TENM1: variants seen among roughly 807,000 people sequenced by gnomAD.
TENM1 encodes teneurin transmembrane protein 1.
TENM1 carries 35 observed loss-of-function variants against 174.8 expected under a neutral mutation model. The observed-to-expected ratio is 0.20, with a 90% CI of 0.15 to 0.27. TENM1 has a LOEUF of 0.27. TENM1 is among the 10% of genes least tolerant of loss of function. The pLI is 1.00. For missense variants in TENM1, 1,633 were observed against 2,130.1 expected, an observed-to-expected ratio of 0.77 and a Z score of 4.59; for synonymous variants, 781 against 798.7, an observed-to-expected ratio of 0.98 and a Z score of 0.37.
chrX:124,823,942 T>C (rs1241004958), intron 3 of TENM1, among the ~76,000 whole-genome samples: 3 of 111,605 alleles, frequency 2.7e-5, no homozygotes, highest in Non-Finnish European at 5.7e-5. Context: ...CCAGCTTTTT[T>C]CCACTTAACA....
At chrX:124,414,529 G>A (rs1165602142) in intron 25 of TENM1, among the ~76,000 whole-genome samples, 2 of 110,647 alleles carry the variant, frequency 1.8e-5, no homozygotes, top group African/African-American at 6.6e-5. Flanking sequence ...TCACTTCCTT[G>A]TTAGCTGTTT....
At chrX:124,857,383 T>C (rs886281527) in intron 3 of TENM1, among the ~76,000 whole-genome samples, 12 of 111,807 alleles carry the variant, frequency 1.1e-4, no homozygotes, top group African/African-American at 3.9e-4. Flanking sequence ...ACAAATGTGA[T>C]ATCTCCACGC....
At chrX:124,600,880 G>T (rs1274901865) in intron 11 of TENM1, among the ~76,000 whole-genome samples, 1 of 111,820 alleles carries the variant, frequency 8.9e-6, no homozygotes, top group African/African-American at 3.2e-5. Context: ...TGCTATAAGG[G>T]ATGTTGCTGG....
chrX:124,978,854 G>T, the TENM1 span, among the ~76,000 whole-genome samples: 4 of 112,124 alleles, frequency 3.6e-5, no homozygotes, highest in African/African-American at 1.3e-4. Context: ...TTGACTAGCA[G>T]TGTGTGGCTG....
intron 18 of TENM1, among the ~76,000 whole-genome samples, chrX:124,510,085 A>T: frequency 8.9e-6 from 1 of 112,453 alleles, no homozygotes; most frequent in South Asian, 3.7e-4. Context: ...TATGCCTTAC[A>T]TTTGTATAAT....
rs368945079 is a variant in TENM1, at chrX:124,481,712, T to TA, written c.3949+19_3949+20insT. On this transcript the variant is annotated intron_variant, in intron 22 of 31. Transcript: ENST00000422452. ...ACCCAAGGGTATATATATATATATATTTATTTATTTATTTTTTACCTCGAG... is the reference window on the plus strand; with the variant it reads ...ACCCAAGGGTATATATATATATATATATTATTTATTTATTTTTTACCTCGAG... 7,658 of 390,823 alleles carry TA rather than the reference T, an allele frequency of 0.02. 152 individuals are homozygous for TA. The highest frequency in any genetic ancestry group is 0.078 in the African/African-American group (2,598 of 33,341). The allele number at this position is 390,823 out of a possible 1,213,427, so 32.2% of individuals were successfully genotyped here.
At chrX:124,779,217 T>C (rs186296596) in intron 3 of TENM1, among the ~76,000 whole-genome samples, 85 of 112,199 alleles carry the variant, frequency 7.6e-4, no homozygotes, top group African/African-American at 2.7e-3. Context: ...AGCCTACCTC[T>C]TTGACAATAC....
intron 6 of TENM1, among the ~76,000 whole-genome samples, chrX:124,670,424 C>G (rs1451767179): frequency 2.7e-5 from 3 of 111,144 alleles, no homozygotes; most frequent in Non-Finnish European, 5.7e-5. Flanking sequence ...AAAATCTGAG[C>G]AGTGAGTGTG....
intron 4 of TENM1, among the ~76,000 whole-genome samples, chrX:124,722,567 G>A (rs1173119657): frequency 9.0e-6 from 1 of 110,962 alleles, no homozygotes; most frequent in Admixed American, 9.6e-5. Flanking sequence ...TCGGCCAGGC[G>A]TGGTGGCTCA....
chrX:124,869,987 T>A (rs2057079675), intron 3 of TENM1, among the ~76,000 whole-genome samples: 1 of 111,503 alleles, frequency 9.0e-6, no homozygotes, highest in Non-Finnish European at 1.9e-5. Context: ...AATTGGAGTG[T>A]TTGTAACTCA....
chrX:124,591,744 C>T (rs1346968536), intron 11 of TENM1, among the ~76,000 whole-genome samples: 1 of 111,599 alleles, frequency 9.0e-6, no homozygotes, highest in Non-Finnish European at 1.9e-5. Flanking sequence ...GTGTTTTCTG[C>T]TTTTCTTATA....
At chrX:124,883,640 T>C (rs1398009911) in intron 3 of TENM1, among the ~76,000 whole-genome samples, 1 of 112,261 alleles carries the variant, frequency 8.9e-6, no homozygotes, top group Non-Finnish European at 1.9e-5. Flanking sequence ...GCATGGACAG[T>C]AGCAGTAGCA....
the TENM1 span, among the ~76,000 whole-genome samples, chrX:124,993,061 T>C: frequency 9.0e-6 from 1 of 110,653 alleles, no homozygotes. Flanking sequence ...CTTGACAAAC[T>C]CTCTGCTTCT....
At chrX:125,101,434 A>T in the TENM1 span, among the ~76,000 whole-genome samples, 1 of 112,081 alleles carries the variant, frequency 8.9e-6, no homozygotes, top group Admixed American at 9.5e-5. Context: ...ATAAATTACC[A>T]GTTTGAATAA....
intron 3 of TENM1, among the ~76,000 whole-genome samples, chrX:124,821,043 G>A (rs2056026028): frequency 8.9e-6 from 1 of 112,225 alleles, no homozygotes; most frequent in Admixed American, 9.4e-5. Context: ...TCATAAATAT[G>A]CTCTTATTTC....
the TENM1 span, among the ~76,000 whole-genome samples, chrX:125,123,270 G>A: frequency 1.8e-5 from 2 of 110,236 alleles, no homozygotes; most frequent in African/African-American, 6.6e-5. Flanking sequence ...AAATAAGGTT[G>A]TGAAAAATAG....
intron 3 of TENM1, among the ~76,000 whole-genome samples, chrX:124,781,192 T>G (rs2054902008): frequency 8.9e-6 from 1 of 111,872 alleles, no homozygotes; most frequent in Admixed American, 9.5e-5. Flanking sequence ...AAATATTACT[T>G]GAGCCTTTTT....
the TENM1 span, among the ~76,000 whole-genome samples, chrX:125,063,335 A>T: frequency 5.4e-5 from 6 of 112,056 alleles, no homozygotes; most frequent in Non-Finnish European, 1.1e-4. Flanking sequence ...TGTGAACAGG[A>T]TCTACTTTGA....
chrX:124,953,404 C>T (rs1424571328), intron 1 of TENM1, among the ~76,000 whole-genome samples: 1 of 111,809 alleles, frequency 8.9e-6, no homozygotes, highest in African/African-American at 3.2e-5. Flanking sequence ...CTATATTTCA[C>T]TAACTTTCCT....
Sources: gnomAD v4.1 joint callset for allele counts (sites outside exome capture counted in the v4.1 genomes callset) on GRCh38, gnomAD v4.1.1 for gene constraint, MANE v1.5 for transcripts, NCBI Gene and HGNC (gene_info 2026-07-23, HGNC 2026-07-21) for gene names.